The following TMEM132C variants were observed in gnomAD, a reference collection of about 807,000 sequenced individuals.
The protein encoded by TMEM132C is transmembrane protein 132C, also known as protein phosphatase 1, regulatory subunit 152.
TMEM132C carries 29 observed loss-of-function variants against 61.4 expected under a neutral mutation model. The observed-to-expected ratio is 0.47, with a 90% CI of 0.35 to 0.64. The LOEUF is 0.64. TMEM132C is among the 30% of genes least tolerant of loss of function. TMEM132C has a pLI of 0.00. For missense variants in TMEM132C, 1,408 were observed against 1,476.9 expected, an observed-to-expected ratio of 0.95 and a Z score of 0.76; for synonymous variants, 656 against 633.1, an observed-to-expected ratio of 1.04 and a Z score of -0.54.
chr12:128,581,445 A>G (rs796860072), intron 3 of TMEM132C, among the ~76,000 whole-genome samples: 3 of 152,210 alleles, frequency 2.0e-5, no homozygotes, highest in African/African-American at 7.2e-5. Context: ...TGCAAAGGAC[A>G]CATTCCATCT....
chr12:128,391,958 CTT>C (rs1207797210), intron 1 of TMEM132C, among the ~76,000 whole-genome samples: 1 of 152,174 alleles, frequency 6.6e-6, no homozygotes, highest in African/African-American at 2.4e-5. Flanking sequence ...AATTTTGCCT[CTT>C]GTCATAAAAT....
intron 3 of TMEM132C, among the ~76,000 whole-genome samples, chr12:128,592,059 G>GA (rs55727528): frequency 0.6 from 75,837 of 125,414 alleles, 22,478 homozygotes; most frequent in East Asian, 0.72. Context: ...AAAAAAAAAA[G>GA]AAAAAAAAAA....
At chr12:128,648,984 C>A in intron 4 of TMEM132C, among the ~76,000 whole-genome samples, 1 of 150,594 alleles carries the variant, frequency 6.6e-6, no homozygotes, top group African/African-American at 2.5e-5. Flanking sequence ...TTAGCTCAGT[C>A]CATCAGCATT....
At chr12:128,704,243 A>G (rs986720333) in intron 8 of TMEM132C, among the ~76,000 whole-genome samples, 2 of 152,186 alleles carry the variant, frequency 1.3e-5, no homozygotes, top group Non-Finnish European at 2.9e-5. Context: ...CAGGCACATA[A>G]AGTCAATTTT....
intron 4 of TMEM132C, among the ~76,000 whole-genome samples, chr12:128,647,239 TGTGA>T (rs1179199712): frequency 6.0e-5 from 9 of 149,900 alleles, no homozygotes; most frequent in Non-Finnish European, 1.2e-4. Context: ...CAGCGTTGGA[TGTGA>T]GTGTGTTTAC....
chr12:128,414,950 T>A lies in TMEM132C; in HGVS notation c.304T>A (p.Phe102Ile). ...PPVLNASYGPFSVEKVVPLDL... is the reference protein window; with the variant it reads ...PPVLNASYGPISVEKVVPLDL... ...AGTGCTCAATGCCAGCTATGGACCCTTTTCTGTGGAGAAGGTTGTGCCTCT... is the reference window on the plus strand; with the variant it reads ...AGTGCTCAATGCCAGCTATGGACCCATTTCTGTGGAGAAGGTTGTGCCTCT... Residue 102 changes from phenylalanine to isoleucine, a missense_variant, in exon 2 of 9, where the codon TTT (phenylalanine) becomes ATT (isoleucine). By Grantham distance (21) the Phe-to-Ile change is conservative. Transcript: ENST00000435159. 6.4e-7 allele frequency: 1 copy of A among 1,551,802 alleles called. No individual in the cohort carries two copies. Among genetic ancestry groups the A allele is most frequent in the Non-Finnish European group, 8.7e-7 (1 of 1,147,028 alleles).
At chr12:128,500,323 A>G (rs930591394) in intron 2 of TMEM132C, among the ~76,000 whole-genome samples, 2 of 152,224 alleles carry the variant, frequency 1.3e-5, no homozygotes, top group Non-Finnish European at 2.9e-5. Flanking sequence ...AGCCCAAGCA[A>G]CAAAAGATAA....
rs1555248768 is a variant in TMEM132C at position 128,269,347 on chromosome 12, C to CGTGTTTGTGTGTGTGTGTGT, written c.85+1864_85+1865insTTGTGTGTGTGTGTGTGTGT. Among the ~76,000 whole-genome samples, 6 of 143,144 alleles carry CGTGTTTGTGTGTGTGTGTGT rather than the reference C, an allele frequency of 4.2e-5. No individual in the cohort carries two copies. The East Asian group carries it at 1.3e-3, about 30-fold the overall frequency. The allele number at this position is 143,144 out of a possible 152,430, so 93.9% of individuals were successfully genotyped here. ...CTGTTCTTCATTAAGGCTCACATTC[C>CGTGTTTGTGTGTGTGTGTGT]GTGTGTGTGTGTGTGTGTGTGTGTG... On this transcript the variant is annotated intron_variant, in intron 1 of 8. Transcript: ENST00000435159.
At chr12:128,305,390 C>T (rs1871734554) in intron 1 of TMEM132C, among the ~76,000 whole-genome samples, 1 of 152,124 alleles carries the variant, frequency 6.6e-6, no homozygotes, top group Non-Finnish European at 1.5e-5. Flanking sequence ...CCCATCTTGG[C>T]AGTTACTCTG....
intron 3 of TMEM132C, among the ~76,000 whole-genome samples, chr12:128,593,451 T>G (rs1565984722): frequency 1.3e-5 from 2 of 152,162 alleles, no homozygotes; most frequent in African/African-American, 4.8e-5. Context: ...GAGTGTGACC[T>G]CACTCCCACT....
chr12:128,582,421 T>TTC (rs936783038), intron 3 of TMEM132C, among the ~76,000 whole-genome samples: 1 of 151,598 alleles, frequency 6.6e-6, no homozygotes, highest in African/African-American at 2.4e-5. Flanking sequence ...CTGCTTTTTT[T>TTC]TTTTTTTTTT....
intron 1 of TMEM132C, among the ~76,000 whole-genome samples, chr12:128,409,573 A>C (rs1281889764): frequency 6.6e-6 from 1 of 152,176 alleles, no homozygotes; most frequent in East Asian, 1.9e-4. Flanking sequence ...CCAGTTTTAA[A>C]AAATTGAGTT....
intron 2 of TMEM132C, among the ~76,000 whole-genome samples, chr12:128,526,642 G>C (rs1158175587): frequency 6.6e-6 from 1 of 152,184 alleles, no homozygotes; most frequent in Non-Finnish European, 1.5e-5. Context: ...AGTGATAAAG[G>C]CTATGGAGAA....
intron 2 of TMEM132C, among the ~76,000 whole-genome samples, chr12:128,470,141 C>T (rs868374388): frequency 1.4e-4 from 22 of 152,212 alleles, no homozygotes; most frequent in African/African-American, 4.1e-4. Flanking sequence ...TCTGAAAAGC[C>T]GGAGTGGAGC....
At chr12:128,310,214 A>G (rs1247181621) in intron 1 of TMEM132C, among the ~76,000 whole-genome samples, 1 of 152,248 alleles carries the variant, frequency 6.6e-6, no homozygotes, top group Admixed American at 6.5e-5. Flanking sequence ...GATGATAAAC[A>G]CAATGATTAT....
At chr12:128,522,059 G>A (rs905909639) in intron 2 of TMEM132C, among the ~76,000 whole-genome samples, 8 of 152,152 alleles carry the variant, frequency 5.3e-5, no homozygotes, top group Non-Finnish European at 1.2e-4. Context: ...CGTAAGGACT[G>A]TATTTTCCAG....
intron 4 of TMEM132C, among the ~76,000 whole-genome samples, chr12:128,665,741 ATACACCCAGG>A (rs1954457099): frequency 1.4e-5 from 2 of 145,090 alleles, no homozygotes; most frequent in African/African-American, 5.6e-5. Flanking sequence ...AGGCACACAC[ATACACCCAGG>A]CACATGTACT....
At chr12:128,701,277 A>C (rs1243778332) in intron 8 of TMEM132C, among the ~76,000 whole-genome samples, 1 of 150,760 alleles carries the variant, frequency 6.6e-6, no homozygotes, top group East Asian at 1.9e-4. Context: ...TTGATCATTG[A>C]AAGTTGAGCT....
chr12:128,575,136 A>G (rs998214078), intron 3 of TMEM132C, among the ~76,000 whole-genome samples: 2 of 152,206 alleles, frequency 1.3e-5, no homozygotes, highest in Non-Finnish European at 2.9e-5. Context: ...CAGCATTTAC[A>G]TTGTTACAGG....
Sources: gnomAD v4.1 joint callset for allele counts (sites outside exome capture counted in the v4.1 genomes callset) on GRCh38, gnomAD v4.1.1 for gene constraint, MANE v1.5 for transcripts, NCBI Gene and HGNC (gene_info 2026-07-23, HGNC 2026-07-21) for gene names.